The following CADM2 variants were observed in gnomAD, a reference collection of about 807,000 sequenced individuals.
CADM2 encodes cell adhesion molecule 2.
Under a neutral mutation model 49.8 loss-of-function variants are expected in CADM2, and 12 were observed. That is an observed-to-expected ratio of 0.24 (90% CI 0.15 to 0.39). The LOEUF (loss-of-function observed/expected upper bound fraction) is 0.39. Ranked by LOEUF, CADM2 falls within the 10% of genes least tolerant of loss-of-function variation. CADM2 has a pLI of 1.00. For missense variants in CADM2, 378 were observed against 492.3 expected (o/e 0.77, Z 2.20); for synonymous variants, 214 against 175.4 (o/e 1.22, Z -1.74).
At chr3:85,823,015 A>T (rs2073684927) in intron 3 of CADM2, among the ~76,000 whole-genome samples, 1 of 152,180 alleles carries the variant, frequency 6.6e-6, no homozygotes, top group Non-Finnish European at 1.5e-5. Context: ...CAGTAGAAAG[A>T]TCTTTAAAGA....
At chr3:85,128,592 A>G (rs2039115057) in intron 1 of CADM2, among the ~76,000 whole-genome samples, 1 of 152,188 alleles carries the variant, frequency 6.6e-6, no homozygotes, top group Non-Finnish European at 1.5e-5. Context: ...GACAAGTCAG[A>G]AGGTGGAAGG....
chr3:85,400,090 A>T (rs939676919), intron 1 of CADM2, among the ~76,000 whole-genome samples: 1 of 152,146 alleles, frequency 6.6e-6, no homozygotes, highest in Non-Finnish European at 1.5e-5. Flanking sequence ...TGGGCTCGTC[A>T]TAGGTAGCTC....
At position 85,912,475 on chromosome 3, in the gene CADM2, T is replaced by C; in HGVS notation, c.632T>C (p.Ile211Thr). ...CGGAGTGATGATGGAGTGGCGGTCA[T>C]CTGCAGAGTAGATCACGAATCCCTC... ...VDRSDDGVAV[I>T]CRVDHESLNA... is the part of the protein sequence containing the mutation. The change falls in exon 6 of 10, where the codon ATC becomes ACC. Residue 211 changes from isoleucine (I) to threonine (T), a missense_variant. Coordinates refer to ENST00000383699, the MANE Select transcript of CADM2 (RefSeq NM_001167675.2). 23 of 1,614,086 alleles carry C rather than the reference T, an allele frequency of 1.4e-5. No individual in the cohort carries two copies. The highest frequency in any genetic ancestry group is 1.9e-5 in the Non-Finnish European group (22 of 1,179,970).
At chr3:85,561,582 A>T (rs1413661141) in intron 1 of CADM2, among the ~76,000 whole-genome samples, 1 of 152,154 alleles carries the variant, frequency 6.6e-6, no homozygotes, top group African/African-American at 2.4e-5. Flanking sequence ...TTTATCTTCC[A>T]TGGTAATAGG....
At chr3:85,214,976 G>T (rs1466363139) in intron 1 of CADM2, among the ~76,000 whole-genome samples, 1 of 152,060 alleles carries the variant, frequency 6.6e-6, no homozygotes, top group African/African-American at 2.4e-5. Context: ...TACTCATGCT[G>T]CAGGACAACA....
intron 1 of CADM2, among the ~76,000 whole-genome samples, chr3:85,315,230 C>T (rs1176083001): frequency 3.3e-5 from 5 of 152,140 alleles, no homozygotes; most frequent in South Asian, 2.1e-4. Flanking sequence ...CTCAGGCGAT[C>T]CTCCTGTCTC....
At chr3:85,658,255 A>G (rs1026522334) in intron 1 of CADM2, among the ~76,000 whole-genome samples, 3 of 151,990 alleles carry the variant, frequency 2.0e-5, no homozygotes, top group African/African-American at 7.2e-5. Flanking sequence ...CCATGTGAAG[A>G]TGAAGGAAGA....
chr3:85,862,889 A>G (rs2075589681), intron 3 of CADM2, among the ~76,000 whole-genome samples: 1 of 152,178 alleles, frequency 6.6e-6, no homozygotes, highest in African/African-American at 2.4e-5. Flanking sequence ...GCATAAGAAC[A>G]ACTCAAATTT....
At chr3:85,896,675 C>G (rs540993519) in intron 5 of CADM2, among the ~76,000 whole-genome samples, 1 of 152,108 alleles carries the variant, frequency 6.6e-6, no homozygotes, top group Non-Finnish European at 1.5e-5. Flanking sequence ...CCATTAAGCT[C>G]GAATTGACAT....
intron 1 of CADM2, among the ~76,000 whole-genome samples, chr3:85,493,597 TA>T (rs1400595711): frequency 2.0e-5 from 3 of 152,196 alleles, no homozygotes; most frequent in Admixed American, 6.5e-5. Context: ...TTCCTATTTT[TA>T]AAAAACTTTA....
At chr3:85,064,816 G>C (rs2036467335) in intron 1 of CADM2, among the ~76,000 whole-genome samples, 1 of 152,082 alleles carries the variant, frequency 6.6e-6, no homozygotes, top group African/African-American at 2.4e-5. Flanking sequence ...TCCTAGCAAG[G>C]GGGACGACAA....
intron 1 of CADM2, among the ~76,000 whole-genome samples, chr3:85,576,393 T>A (rs2062634613): frequency 6.6e-6 from 1 of 152,164 alleles, no homozygotes; most frequent in African/African-American, 2.4e-5. Flanking sequence ...GATTGCTGGA[T>A]ACATCAAATT....
chr3:85,690,072 A>G (rs565727368), intron 1 of CADM2, among the ~76,000 whole-genome samples: 1 of 152,328 alleles, frequency 6.6e-6, no homozygotes, highest in Non-Finnish European at 1.5e-5. Context: ...GTAGATGATT[A>G]GAGGTCAGTT....
At chr3:85,058,982 G>A (rs2036197530) in intron 1 of CADM2, among the ~76,000 whole-genome samples, 1 of 151,514 alleles carries the variant, frequency 6.6e-6, no homozygotes, top group Non-Finnish European at 1.5e-5. Context: ...ATTTCCTTAA[G>A]GTCTATTCAA....
chr3:85,683,159 A>T (rs1559590500), intron 1 of CADM2, among the ~76,000 whole-genome samples: 1 of 152,094 alleles, frequency 6.6e-6, no homozygotes, highest in East Asian at 1.9e-4. Flanking sequence ...TCATAGAAGT[A>T]TATCTCATAA....
At chr3:85,153,319 G>A (rs530027453) in intron 1 of CADM2, among the ~76,000 whole-genome samples, 16 of 152,194 alleles carry the variant, frequency 1.1e-4, no homozygotes, top group Non-Finnish European at 2.1e-4. Flanking sequence ...AAAGAAAGGG[G>A]TGGCAGATGG....
intron 1 of CADM2, among the ~76,000 whole-genome samples, chr3:85,724,920 A>T (rs1559615600): frequency 6.6e-6 from 1 of 152,056 alleles, no homozygotes; most frequent in East Asian, 1.9e-4. Context: ...TTGATATTAA[A>T]TATTTTAGTG....
At chr3:85,931,689 A>G (rs1720621044) in intron 6 of CADM2, among the ~76,000 whole-genome samples, 1 of 152,110 alleles carries the variant, frequency 6.6e-6, no homozygotes, top group African/African-American at 2.4e-5. Context: ...TTAAATAAGC[A>G]AGGAATCTCT....
At chr3:85,417,739 T>A (rs963965539) in intron 1 of CADM2, among the ~76,000 whole-genome samples, 12 of 152,146 alleles carry the variant, frequency 7.9e-5, no homozygotes, top group Admixed American at 2.0e-4. Context: ...GTCAGAGAAG[T>A]TGGACTAGAT....
Sources: allele counts gnomAD v4.1 joint callset (sites outside exome capture counted in the v4.1 genomes callset), GRCh38; gene constraint gnomAD v4.1.1; transcripts MANE v1.5; gene names NCBI Gene and HGNC (gene_info 2026-07-23, HGNC 2026-07-21).